Variants in ABCA3 observed in about 807,000 individuals in gnomAD.
The protein encoded by ABCA3 is ATP binding cassette subfamily A member 3, also known as phospholipid-transporting ATPase ABCA3.
Under a neutral mutation model 172.8 loss-of-function variants are expected in ABCA3, and 88 were observed. The ratio of observed to expected loss-of-function variants is 0.51; its 90% confidence interval spans 0.43 to 0.61. The LOEUF is 0.61. Among genes scored for constraint, ABCA3 ranks in the 20% least tolerant of loss-of-function variants. ABCA3 has a pLI of 0.00. For missense variants in ABCA3, 2,164 were observed against 2,301.0 expected, an observed-to-expected ratio of 0.94 and a Z score of 1.22; for synonymous variants, 1,066 against 983.8, an observed-to-expected ratio of 1.08 and a Z score of -1.56.
At chr16:2,294,050 C>T (rs1043981213) in intron 18 of ABCA3, among the ~76,000 whole-genome samples, 7 of 150,880 alleles carry the variant, frequency 4.6e-5, no homozygotes, top group Non-Finnish European at 7.4e-5. Context: ...GTCACCCAGG[C>T]TGGAATCCAG....
intron 18 of ABCA3, among the ~76,000 whole-genome samples, chr16:2,292,859 G>T (rs991692347): frequency 2.6e-5 from 4 of 152,016 alleles, no homozygotes; most frequent in Admixed American, 2.6e-4. Context: ...GGAGGCTGAG[G>T]CAGGAGAATT....
Position 2,286,898 on chromosome 16 carries a change from A to C in ABCA3, c.3074T>G (p.Val1025Gly), listed in dbSNP as rs2093664045. The change falls in exon 22 of 33, where the codon GTG (valine) becomes GGG (glycine). Residue 1025 changes from valine to glycine, a missense_variant. Around this residue, in one of 3 missense-constraint regions of ABCA3, gnomAD observed 26 missense variants for 49.5 expected, o/e 0.53. Transcript: ENST00000301732. This position sits in a 1 kb window ranked among gnomAD's most constrained non-coding sequence, Gnocchi z 5.2. ...EGGGFNERCL[V>G]AASFRDVGER... ...TCCCACATCTCTGAAGGACGCTGCC[A>C]CAAGGCACCGCTCATTAAAGCCGCC... 6.2e-7 allele frequency: 1 copy of C among 1,613,962 alleles called. No homozygotes were observed. The highest frequency in any genetic ancestry group is 8.5e-7 in the Non-Finnish European group (1 of 1,180,032).
intron 10 of ABCA3, among the ~76,000 whole-genome samples, chr16:2,311,760 T>A (rs978088364): frequency 1.3e-5 from 2 of 152,168 alleles, no homozygotes; most frequent in African/African-American, 2.4e-5. Context: ...GACCTCGTGA[T>A]CCACCCACCT....
chr16:2,303,543 T>G (rs1450176314), intron 12 of ABCA3, among the ~76,000 whole-genome samples: 2 of 152,112 alleles, frequency 1.3e-5, no homozygotes, highest in East Asian at 1.9e-4. Flanking sequence ...GAGCTGGGAT[T>G]ACAGGCGTGA....
Position 2,297,504 on chromosome 16 carries a change from G to A in ABCA3, c.2088C>T (p.Asp696=), listed in dbSNP as rs753600918. Reference sequence around the variant, plus strand: ...CCCAGATGGCCCTCCTGGAGATGGCGTCCATGCCCGAGGTGGGCTCGTCCA... The same window carrying A: ...CCCAGATGGCCCTCCTGGAGATGGCATCCATGCCCGAGGTGGGCTCGTCCA... The part of the protein sequence containing the change: ...LILDEPTSGM[D]AISRRAIWDL... Residue 696 remains aspartate (D), a synonymous_variant, in exon 17 of 33, where the codon GAC becomes GAT. Transcript: ENST00000301732. This position sits in a 1 kb window ranked among gnomAD's most constrained non-coding sequence, Gnocchi z 5.6. The A allele has an allele frequency of 6.8e-6, 11 of 1,613,114 alleles. No homozygotes were observed. Among genetic ancestry groups the A allele is most frequent in the Middle Eastern group, 1.7e-4 (1 of 5,836 alleles).
At chr16:2,320,522 T>A (rs2093724452) in intron 7 of ABCA3, among the ~76,000 whole-genome samples, 1 of 151,690 alleles carries the variant, frequency 6.6e-6, no homozygotes, top group Non-Finnish European at 1.5e-5. Flanking sequence ...CCCGAATAGC[T>A]GGGATTACAG....
chr16:2,317,608 C>G, intron 9 of ABCA3, 40 bp downstream of exon 9: 1 of 1,610,026 alleles, frequency 6.2e-7, no homozygotes, highest in South Asian at 1.1e-5. Context: ...TGCCCTGGCT[C>G]TCCCCGTCCT....
Position 2,286,918 on chromosome 16 carries a change from G to A in ABCA3, c.3054C>T (p.Gly1018=), listed in dbSNP as rs1029996174. 2.5e-6 allele frequency: 4 copies of A among 1,613,990 alleles called. No homozygotes were observed. The highest frequency in any genetic ancestry group is 2.5e-6 in the Non-Finnish European group (3 of 1,180,000). ...CTGCCACAAGGCACCGCTCATTAAA[G>A]CCGCCCCCCTCCACAGAAGCCCTGA... ...LIFRASVEGG[G]FNERCLVAAS... The change falls in exon 22 of 33, where the codon GGC becomes GGT. Residue 1018 remains glycine, a synonymous_variant. Coordinates refer to ENST00000301732, the MANE Select transcript of ABCA3 (RefSeq NM_001089.3). This position sits in a 1 kb window ranked among gnomAD's most constrained non-coding sequence, Gnocchi z 5.2.
chr16:2,289,339 C>A, intron 20 of ABCA3, 95 bp downstream of exon 20: 1 of 1,452,032 alleles, frequency 6.9e-7, no homozygotes. Context: ...ACCCTGTTTG[C>A]GCCCTCGCAG....
Position 2,285,037 on chromosome 16 carries a change from C to T in ABCA3, c.3484-39G>A. ...GGGAGGCGCTGCTGTGCATGCCAAG[C>T]TGAGAGGAGCTCACGGGTAGGGAAG... On this transcript the variant is annotated intron_variant, in intron 23 of 32. Transcript: ENST00000301732. The surrounding 1 kb of genome is among the most constrained non-coding windows in gnomAD (Gnocchi z 4.7). The T allele has an allele frequency of 6.3e-7, 1 of 1,598,414 alleles. No individual in the cohort carries two copies. Among genetic ancestry groups the T allele is most frequent in the South Asian group, 1.1e-5 (1 of 89,816 alleles).
At chr16:2,326,343 C>T in intron 4 of ABCA3, 69 bp from the exon 5 acceptor site, 4 of 1,611,210 alleles carry the variant, frequency 2.5e-6, no homozygotes, top group Non-Finnish European at 3.4e-6. Context: ...GACAGCCCTT[C>T]CCTCAAGGGC....
At chr16:2,299,609 C>G (rs1206901233) in intron 13 of ABCA3, 77 bp from the exon 14 acceptor site, 1 of 1,599,374 alleles carries the variant, frequency 6.3e-7, no homozygotes, top group African/African-American at 1.3e-5. Flanking sequence ...TGCTCCCCTG[C>G]CCGACCGTCT....
intron 8 of ABCA3, among the ~76,000 whole-genome samples, chr16:2,318,565 T>G (rs191155314): frequency 2.0e-5 from 3 of 151,500 alleles, no homozygotes; most frequent in Non-Finnish European, 2.9e-5. Context: ...CAGGCTGGAG[T>G]GCAGTGGTGC....
At chr16:2,298,255 G>A (rs1360473463) in intron 15 of ABCA3, 131 bp downstream of exon 15, 25 of 1,442,228 alleles carry the variant, frequency 1.7e-5, no homozygotes, top group South Asian at 2.4e-5. Context: ...TCTCCTTGAC[G>A]TAGCTGGACT....
At chr16:2,325,942 G>C (rs1255131254) in intron 5 of ABCA3, 68 bp downstream of exon 5, 1 of 1,603,632 alleles carries the variant, frequency 6.2e-7, no homozygotes, top group Non-Finnish European at 8.5e-7. Flanking sequence ...TCCTGGGCTC[G>C]ACCCCTGCCT....
rs1267775571 is a variant in ABCA3 at position 2,326,039 on chromosome 16, A to G, written c.290T>C (p.Val97Ala). ...SDAAKTVTET[V>A]RRALVINMRV... Reference sequence around the variant, plus strand: ...CATGTTGATCACAAGTGCCCTGCGCACTGTCTCAGTGACGGTCTTGGCAGC... The same window carrying G: ...CATGTTGATCACAAGTGCCCTGCGCGCTGTCTCAGTGACGGTCTTGGCAGC... Residue 97 changes from valine (V) to alanine (A), a missense_variant, in exon 5 of 33, where the codon GTG becomes GCG. Around this residue, in one of 3 missense-constraint regions of ABCA3, gnomAD observed 1,343 missense variants for 1,369.6 expected, o/e 0.98. Transcript: ENST00000301732. 7.4e-6 allele frequency: 12 copies of G among 1,613,778 alleles called. No individual in the cohort carries two copies. The highest frequency in any genetic ancestry group is 4.5e-5 in the East Asian group (2 of 44,882).
chr16:2,324,648 C>T, intron 5 of ABCA3, 117 bp from the exon 6 acceptor site: 4 of 1,472,572 alleles, frequency 2.7e-6, no homozygotes, highest in Non-Finnish European at 3.7e-6. Context: ...GCTTTGTAAA[C>T]CCTTCCTGAG....
chr16:2,297,306 C>G lies in ABCA3; in HGVS notation c.2263+23G>C, dbSNP rs759833008. ...ACGGCAGCCAGGACACCGACCCTGT[C>G]GCGGGCTGGCCCCACCGCTCACCGT... On this transcript the variant is annotated intron_variant, in intron 17 of 32. Transcript: ENST00000301732. This position sits in a 1 kb window ranked among gnomAD's most constrained non-coding sequence, Gnocchi z 5.6. 6 of 1,607,120 alleles carry G rather than the reference C, an allele frequency of 3.7e-6. No individual in the cohort carries two copies. In the South Asian group the frequency reaches 6.6e-5, roughly 18 times the overall value.
intron 10 of ABCA3, among the ~76,000 whole-genome samples, chr16:2,309,490 G>A (rs949680984): frequency 1.3e-5 from 2 of 152,198 alleles, no homozygotes; most frequent in African/African-American, 4.8e-5. Flanking sequence ...GGCTCCCGAC[G>A]GCCGGGAAGG....
Sources: allele counts gnomAD v4.1 joint callset (sites outside exome capture counted in the v4.1 genomes callset), GRCh38; gene constraint gnomAD v4.1.1; regional missense constraint gnomAD v4.1.1; non-coding constraint Gnocchi (gnomAD v3.1); transcripts MANE v1.5; gene names NCBI Gene and HGNC (gene_info 2026-07-23, HGNC 2026-07-21).